ZP3: variants seen among roughly 807,000 people sequenced by gnomAD.
ZP3 encodes zona pellucida glycoprotein 3, also known as zona pellucida sperm-binding protein 3.
ZP3 carries 21 observed loss-of-function variants against 35.6 expected under a neutral mutation model. The ratio of observed to expected loss-of-function variants is 0.59; its 90% CI spans 0.42 to 0.85. The LOEUF is 0.85. Ranked by LOEUF, ZP3 falls within the 40% of genes least tolerant of loss-of-function variation. The pLI, the probability that ZP3 is intolerant of heterozygous loss-of-function variation, is 0.00. For missense variants in ZP3, 437 were observed against 536.5 expected (o/e 0.81, Z 1.83); for synonymous variants, 207 against 214.5 (o/e 0.96, Z 0.31).
intron 1 of ZP3, among the ~76,000 whole-genome samples, chr7:76,416,827 TACATATAC>T (rs1298681176): frequency 2.0e-5 from 3 of 147,706 alleles, no homozygotes; most frequent in Admixed American, 6.9e-5. Flanking sequence ...TATATATATA[TACATATAC>T]ATACATATAT....
intron 5 of ZP3, among the ~76,000 whole-genome samples, chr7:76,436,023 C>T (rs1188180168): frequency 6.9e-6 from 1 of 145,402 alleles, no homozygotes; most frequent in Non-Finnish European, 1.5e-5. Context: ...CACGCGCCCC[C>T]CGCCCCCTTT....
At chr7:76,401,144 C>T (rs1804814650) in intron 1 of ZP3, 2 of 1,406,682 alleles carry the variant, frequency 1.4e-6, no homozygotes, top group African/African-American at 1.5e-5. Flanking sequence ...AACATTACCC[C>T]CATCTTCTTG....
chr7:76,425,068 C>G lies in ZP3; in HGVS notation c.104C>G (p.Pro35Arg). Residue 35 changes from proline to arginine, a missense_variant, in exon 1 of 8, where the codon CCT becomes CGT. Pro to Arg is a moderately radical substitution (Grantham distance 103, BLOSUM62 -2). This residue lies in a region of ZP3 where 352 missense variants were observed against 308.4 expected (regional missense o/e 1.14). Coordinates refer to ENST00000394857, the MANE Select transcript of ZP3 (RefSeq NM_001110354.2). ...CTCTTGCAGGGTGGAGCCAGCCATC[C>G]TGAGACGTCCGTACAGCCCGTACTG... is the stretch of plus-strand genomic sequence containing the variant. The part of the protein sequence containing the change: ...LWLLQGGASH[P>R]ETSVQPVLVE... 1 of 1,612,980 alleles carries G rather than the reference C, an allele frequency of 6.2e-7. No homozygotes were observed. Among genetic ancestry groups the G allele is most frequent in the Non-Finnish European group, 8.5e-7 (1 of 1,179,746 alleles).
At chr7:76,426,007 CAGGAGGCAA>C (rs1805639278) in intron 1 of ZP3, among the ~76,000 whole-genome samples, 1 of 151,154 alleles carries the variant, frequency 6.6e-6, no homozygotes, top group South Asian at 2.1e-4. Flanking sequence ...CGCTTGAACC[CAGGAGGCAA>C]AGGTTGCAGT....
At position 76,425,137 on chromosome 7, in the gene ZP3, A is replaced by G. The variant is rs747906357; in HGVS notation, c.173A>G (p.Asp58Gly). Residue 58 changes from aspartate to glycine, a missense_variant, in exon 1 of 8, where the codon GAC (aspartate) becomes GGC (glycine). Asp to Gly is a moderately conservative substitution (Grantham distance 94). Transcript: ENST00000394857. ...EATLMVMVSK[D>G]LFGTGKLIRA... ...ACTCTGATGGTCATGGTCAGCAAAG[A>G]CCTTTTTGGCACCGGGAAGCTCATC... 2.4e-5 allele frequency: 38 copies of G among 1,613,758 alleles called. No individual in the cohort carries two copies. The highest frequency in any genetic ancestry group is 3.1e-5 in the Non-Finnish European group (37 of 1,179,976).
At chr7:76,397,883 C>G (rs760490622) in intron 1 of ZP3, 27 of 1,456,852 alleles carry the variant, frequency 1.9e-5, no homozygotes, top group African/African-American at 2.8e-5. Flanking sequence ...CCTCTGCCCC[C>G]GTCCGCACCG....
intron 5 of ZP3, among the ~76,000 whole-genome samples, chr7:76,437,306 T>C (rs1268985888): frequency 6.6e-6 from 1 of 151,740 alleles, no homozygotes; most frequent in Non-Finnish European, 1.5e-5. Flanking sequence ...TCCCTAATAG[T>C]TGGAATTATA....
chr7:76,426,711 TTG>T (rs1805665411), intron 1 of ZP3, among the ~76,000 whole-genome samples: 1 of 151,938 alleles, frequency 6.6e-6, no homozygotes, highest in South Asian at 2.1e-4. Flanking sequence ...TTTTTTGTTG[TTG>T]TTTTTGTTTT....
chr7:76,400,398 C>A (rs1209380453), intron 1 of ZP3: 1 of 1,599,998 alleles, frequency 6.3e-7, no homozygotes, highest in Non-Finnish European at 8.5e-7. Flanking sequence ...CGTTGTCCAG[C>A]AGGATGGGGC....
Position 76,440,345 on chromosome 7 carries a change from A to G in ZP3, c.923+4A>G, listed in dbSNP as rs776865214. ...CCTTCAGCAAGCCTTCCAACAGGTGAGGAGGACAGGTGCTCCGTGACTGGA... is the reference window on the plus strand; with the variant it reads ...CCTTCAGCAAGCCTTCCAACAGGTGGGGAGGACAGGTGCTCCGTGACTGGA... On this transcript the variant is annotated splice_donor_region_variant and intron_variant, in intron 6 of 7. Coordinates refer to ENST00000394857, the MANE Select transcript of ZP3 (RefSeq NM_001110354.2). 3 of 1,165,122 alleles carry G rather than the reference A, an allele frequency of 2.6e-6. No homozygotes were observed. The highest frequency in any genetic ancestry group is 3.3e-6 in the Non-Finnish European group (3 of 921,132). The allele number at this position is 1,165,122 out of a possible 1,614,324, so 72.2% of individuals were successfully genotyped here.
chr7:76,399,035 G>A (rs1192700734), intron 1 of ZP3, among the ~76,000 whole-genome samples: 4 of 152,062 alleles, frequency 2.6e-5, no homozygotes, highest in African/African-American at 9.7e-5. Context: ...TTTTTGAGAT[G>A]GAGTCTTGCT....
intron 4 of ZP3, 144 bp downstream of exon 4, chr7:76,433,791 C>A (rs1227134411): frequency 4.6e-6 from 5 of 1,081,996 alleles, no homozygotes; most frequent in African/African-American, 1.6e-5. Context: ...CTCTGCCTCC[C>A]AGGTTTAAGT....
intron 5 of ZP3, among the ~76,000 whole-genome samples, chr7:76,437,564 C>T (rs1405621003): frequency 6.6e-6 from 1 of 150,830 alleles, no homozygotes; most frequent in Non-Finnish European, 1.5e-5. Flanking sequence ...CAGCTCACTG[C>T]AACTTCCCAT....
chr7:76,414,771 G>A (rs1402977636), intron 1 of ZP3, among the ~76,000 whole-genome samples: 1 of 8,316 alleles, frequency 1.2e-4, no homozygotes, highest in Non-Finnish European at 2.6e-4. Context: ...CTGTGATCTC[G>A]GCTCACCGCC....
chr7:76,426,608 A>G lies in ZP3; in HGVS notation c.312+1332A>G, dbSNP rs112910004. On this transcript the variant is annotated intron_variant, in intron 1 of 7. Transcript: ENST00000394857. Reference sequence around the variant, plus strand: ...AATTATTCCAGTTTAGAGGCTCACAAACATGTCTTAGATTTACTTGGGGAG... The same window carrying G: ...AATTATTCCAGTTTAGAGGCTCACAGACATGTCTTAGATTTACTTGGGGAG... 1.9e-3 allele frequency among the ~76,000 whole-genome samples: 289 copies of G among 152,164 alleles called. 2 individuals are homozygous for G. Among genetic ancestry groups the G allele is most frequent in the African/African-American group, 6.7e-3 (279 of 41,530 alleles).
chr7:76,438,848 G>C (rs1432873830), intron 5 of ZP3, among the ~76,000 whole-genome samples: 1 of 126,390 alleles, frequency 7.9e-6, no homozygotes, highest in Admixed American at 8.8e-5. Flanking sequence ...TCAAACTCAA[G>C]TCTGGCCGGG....
intron 1 of ZP3, among the ~76,000 whole-genome samples, chr7:76,408,226 A>C (rs1228230989): frequency 3.3e-5 from 5 of 152,100 alleles, no homozygotes; most frequent in Admixed American, 3.3e-4. Context: ...CCTGGTGTAC[A>C]AAGTCTGGTT....
At chr7:76,440,942 C>T (rs1328446570) in intron 7 of ZP3, among the ~76,000 whole-genome samples, 3 of 152,128 alleles carry the variant, frequency 2.0e-5, no homozygotes, top group African/African-American at 7.2e-5. Context: ...GAGGCCAAGG[C>T]GGGCAGGTCA....
intron 1 of ZP3, among the ~76,000 whole-genome samples, chr7:76,415,407 TAACTATGAC>T (rs144185044): frequency 3.9e-5 from 5 of 128,730 alleles, no homozygotes; most frequent in Admixed American, 7.8e-5. Flanking sequence ...CACAAACTAT[TAACTATGAC>T]AACTATGACA....
Sources: gnomAD v4.1 joint callset for allele counts (sites outside exome capture counted in the v4.1 genomes callset) on GRCh38, gnomAD v4.1.1 for gene constraint, gnomAD v4.1.1 regional missense constraint, MANE v1.5 for transcripts, NCBI Gene and HGNC (gene_info 2026-07-23, HGNC 2026-07-21) for gene names.